The following BTBD9 variants were observed in gnomAD, a reference collection of about 807,000 sequenced individuals.
The protein encoded by BTBD9 is BTB domain containing 9, also known as BTB/POZ domain-containing protein 9.
BTBD9 carries 49 observed loss-of-function variants against 64.3 expected under a neutral mutation model. The ratio of observed to expected loss-of-function variants is 0.76; its 90% CI spans 0.61 to 0.97. BTBD9 has a LOEUF of 0.97. BTBD9 is among the 50% of genes least tolerant of loss of function. The pLI, the probability that BTBD9 is intolerant of heterozygous loss-of-function variation, is 0.00. For missense variants in BTBD9, 598 were observed against 762.1 expected (o/e 0.78, Z 2.53); for synonymous variants, 260 against 274.7 (o/e 0.95, Z 0.53).
At chr6:38,511,637 T>C (rs10947743) in intron 6 of BTBD9, among the ~76,000 whole-genome samples, 95,948 of 151,962 alleles carry the variant, frequency 0.63, 33,076 homozygotes, top group East Asian at 0.77. Flanking sequence ...CCACCGCTCC[T>C]GGCTGTAAAT....
At chr6:38,470,802 T>C (rs1187684909) in intron 6 of BTBD9, among the ~76,000 whole-genome samples, 1 of 152,180 alleles carries the variant, frequency 6.6e-6, no homozygotes, top group Non-Finnish European at 1.5e-5. Flanking sequence ...AGAGGAGCAT[T>C]AGAAGCCCTC....
intron 1 of BTBD9, among the ~76,000 whole-genome samples, chr6:38,600,161 A>G (rs1293039074): frequency 8.5e-5 from 13 of 152,248 alleles, no homozygotes; most frequent in African/African-American, 3.1e-4. Flanking sequence ...AAAACTTTCT[A>G]TAAAGGGTCA....
At chr6:38,414,448 TTCA>T (rs1005823627) in intron 6 of BTBD9, among the ~76,000 whole-genome samples, 5 of 152,188 alleles carry the variant, frequency 3.3e-5, no homozygotes, top group Admixed American at 6.5e-5. Flanking sequence ...ATGATTTGAA[TTCA>T]TCATTTTTCC....
At chr6:38,244,368 G>C (rs996815762) in intron 9 of BTBD9, among the ~76,000 whole-genome samples, 1 of 152,334 alleles carries the variant, frequency 6.6e-6, no homozygotes, top group East Asian at 1.9e-4. Context: ...AGAGCTCTAG[G>C]ATTCCAGAGT....
intron 1 of BTBD9, among the ~76,000 whole-genome samples, chr6:38,614,783 C>T (rs1777732425): frequency 6.6e-6 from 1 of 152,224 alleles, no homozygotes; most frequent in South Asian, 2.1e-4. Flanking sequence ...TCATCTCTCA[C>T]TCGGACCCTC....
At chr6:38,491,217 T>TC (rs1771686525) in intron 6 of BTBD9, among the ~76,000 whole-genome samples, 1 of 152,246 alleles carries the variant, frequency 6.6e-6, no homozygotes, top group Non-Finnish European at 1.5e-5. Context: ...GAAAGTGATG[T>TC]CCTCTGTCCC....
In BTBD9 at chr6:38,321,407, T is replaced by C. The variant is rs57775691; in HGVS notation, c.1264+23577A>G. Among the ~76,000 whole-genome samples the C allele has an allele frequency of 5.3e-3, 806 of 152,270 alleles. 6 individuals carry two copies. The highest frequency in any genetic ancestry group is 0.018 in the African/African-American group (747 of 41,556). ...TCCTTAGGGTGTGCTCGTTGCCAAGTTGACAGATGTTGCAGGAAAAACCTG... is the reference window on the plus strand; with the variant it reads ...TCCTTAGGGTGTGCTCGTTGCCAAGCTGACAGATGTTGCAGGAAAAACCTG... On this transcript the variant is annotated intron_variant, in intron 7 of 10. Coordinates refer to ENST00000481247, the MANE Select transcript of BTBD9 (RefSeq NM_001099272.2).
intron 6 of BTBD9, among the ~76,000 whole-genome samples, chr6:38,508,674 C>T (rs764673653): frequency 6.6e-6 from 1 of 152,176 alleles, no homozygotes; most frequent in African/African-American, 2.4e-5. Flanking sequence ...GCAGACAAAG[C>T]CCTGAATGAT....
intron 6 of BTBD9, among the ~76,000 whole-genome samples, chr6:38,358,733 T>G (rs1764828458): frequency 6.6e-6 from 1 of 152,016 alleles, no homozygotes; most frequent in African/African-American, 2.4e-5. Flanking sequence ...AGACAGGATT[T>G]AAAGACAATA....
chr6:38,400,634 T>G (rs1387815455), intron 6 of BTBD9, among the ~76,000 whole-genome samples: 1 of 152,102 alleles, frequency 6.6e-6, no homozygotes, highest in African/African-American at 2.4e-5. Flanking sequence ...TTTCATTCAC[T>G]CCAATCATCA....
intron 1 of BTBD9, among the ~76,000 whole-genome samples, chr6:38,615,901 G>A (rs1434438560): frequency 6.6e-6 from 1 of 152,188 alleles, no homozygotes; most frequent in Non-Finnish European, 1.5e-5. Context: ...AATGTTGGCT[G>A]TGGTAGGCAG....
intron 6 of BTBD9, among the ~76,000 whole-genome samples, chr6:38,408,555 C>T (rs961898310): frequency 2.0e-5 from 3 of 152,172 alleles, no homozygotes; most frequent in Admixed American, 6.5e-5. Flanking sequence ...CACATTGACA[C>T]CTTAGCCTTA....
intron 8 of BTBD9, among the ~76,000 whole-genome samples, chr6:38,272,496 C>A (rs1372531937): frequency 6.6e-6 from 1 of 152,152 alleles, no homozygotes; most frequent in Non-Finnish European, 1.5e-5. Flanking sequence ...CAGAACTACT[C>A]ATTTAGACTC....
chr6:38,370,817 T>C (rs1420416982), intron 6 of BTBD9, among the ~76,000 whole-genome samples: 1 of 152,246 alleles, frequency 6.6e-6, no homozygotes, highest in Non-Finnish European at 1.5e-5. Flanking sequence ...GCCCTTAACA[T>C]GTCACGGAGT....
chr6:38,510,557 A>C (rs1309311136), intron 6 of BTBD9, among the ~76,000 whole-genome samples: 1 of 152,210 alleles, frequency 6.6e-6, no homozygotes, highest in African/African-American at 2.4e-5. Flanking sequence ...TAGCTTACTG[A>C]AACTTTAATG....
At chr6:38,565,358 T>C (rs931424730) in intron 6 of BTBD9, among the ~76,000 whole-genome samples, 5 of 152,160 alleles carry the variant, frequency 3.3e-5, no homozygotes, top group Non-Finnish European at 5.9e-5. Flanking sequence ...TAGATACCAG[T>C]AGTATGCAAC....
chr6:38,579,654 A>G (rs1776202030), intron 5 of BTBD9, among the ~76,000 whole-genome samples: 1 of 152,222 alleles, frequency 6.6e-6, no homozygotes. Context: ...TCTTCACCAT[A>G]TGGTAAAATG....
At chr6:38,360,125 G>A (rs1764891992) in intron 6 of BTBD9, among the ~76,000 whole-genome samples, 1 of 152,162 alleles carries the variant, frequency 6.6e-6, no homozygotes, top group Non-Finnish European at 1.5e-5. Context: ...CAGATTAAGT[G>A]TGAAATACTA....
intron 6 of BTBD9, among the ~76,000 whole-genome samples, chr6:38,495,449 A>G (rs1276919756): frequency 6.6e-6 from 1 of 152,246 alleles, no homozygotes; most frequent in African/African-American, 2.4e-5. Flanking sequence ...CACATGGGTG[A>G]ATCAATAAAA....
Sources: gnomAD v4.1 joint callset for allele counts (sites outside exome capture counted in the v4.1 genomes callset) on GRCh38, gnomAD v4.1.1 for gene constraint, MANE v1.5 for transcripts, NCBI Gene and HGNC (gene_info 2026-07-23, HGNC 2026-07-21) for gene names.